Variants in PHACTR3 observed in about 807,000 individuals in gnomAD.
PHACTR3 encodes the protein phosphatase and actin regulator 3.
Under a neutral mutation model 66.8 loss-of-function variants are expected in PHACTR3, and 16 were observed. The ratio of observed to expected loss-of-function variants is 0.24; its 90% CI spans 0.16 to 0.36. The LOEUF is 0.36. Among genes scored for constraint, PHACTR3 ranks in the 10% least tolerant of loss-of-function variants. The pLI is 1.00. For synonymous variants in PHACTR3, 323 were observed against 292.1 expected, an observed-to-expected ratio of 1.11 and a Z score of -1.08; for missense variants, 647 against 719.9, an observed-to-expected ratio of 0.90 and a Z score of 1.16.
intron 1 of PHACTR3, among the ~76,000 whole-genome samples, chr20:59,630,490 T>C (rs112543233): frequency 9.8e-5 from 15 of 152,372 alleles, no homozygotes; most frequent in African/African-American, 3.4e-4. Context: ...GCCTGTTTAA[T>C]TTTTCATTAG....
At chr20:59,652,387 A>G (rs1465050179) in intron 1 of PHACTR3, among the ~76,000 whole-genome samples, 1 of 152,144 alleles carries the variant, frequency 6.6e-6, no homozygotes, top group South Asian at 2.1e-4. Flanking sequence ...CTGAAAAACA[A>G]AAGTAAAAAA....
intron 1 of PHACTR3, among the ~76,000 whole-genome samples, chr20:59,686,983 ATGATTGTGATGATGGTGG>A (rs1356367315): frequency 2.8e-4 from 35 of 126,686 alleles, no homozygotes; most frequent in African/African-American, 7.9e-4. Flanking sequence ...GATGATGGTG[ATGATTGTGATGATGGTGG>A]TGATTGTGAT....
chr20:59,765,803 G>T (rs370764075), intron 4 of PHACTR3, among the ~76,000 whole-genome samples: 2 of 152,290 alleles, frequency 1.3e-5, no homozygotes, highest in South Asian at 2.1e-4. Flanking sequence ...GCTGATAGAT[G>T]AATGAACCCC....
chr20:59,809,826 GCT>G (rs1018165545), intron 8 of PHACTR3, among the ~76,000 whole-genome samples: 4 of 152,144 alleles, frequency 2.6e-5, no homozygotes, highest in African/African-American at 9.7e-5. Flanking sequence ...AAGGGGCATG[GCT>G]GTGTGTCAAT....
chr20:59,823,830 C>T (rs2042113993), intron 8 of PHACTR3, among the ~76,000 whole-genome samples: 1 of 152,230 alleles, frequency 6.6e-6, no homozygotes, highest in Admixed American at 6.5e-5. Flanking sequence ...TTTCATTTTA[C>T]ACCCATATGA....
chr20:59,645,026 C>A (rs2146434398), intron 1 of PHACTR3, among the ~76,000 whole-genome samples: 1 of 152,100 alleles, frequency 6.6e-6, no homozygotes, highest in Middle Eastern at 3.4e-3. Flanking sequence ...TCGCTCCCTC[C>A]CTTTCTCTTT....
At chr20:59,637,282 C>G (rs2034931653) in intron 1 of PHACTR3, among the ~76,000 whole-genome samples, 1 of 152,246 alleles carries the variant, frequency 6.6e-6, no homozygotes, top group African/African-American at 2.4e-5. Flanking sequence ...ACCAGCTCTG[C>G]TAGAGCGATG....
intron 8 of PHACTR3, among the ~76,000 whole-genome samples, chr20:59,828,609 G>T (rs2042259680): frequency 6.6e-6 from 1 of 152,110 alleles, no homozygotes; most frequent in African/African-American, 2.4e-5. Flanking sequence ...GCGGACCCGT[G>T]TGAGGAGAAG....
At position 59,673,377 on chromosome 20, in the gene PHACTR3, G is replaced by A. The variant is rs573380649; in HGVS notation, c.118+68245G>A. On this transcript the variant is annotated intron_variant, in intron 1 of 12. Coordinates refer to ENST00000371015, the MANE Select transcript of PHACTR3 (RefSeq NM_080672.5). ...AGTGAGGAGCTCATGAAGCACAGGC[G>A]TTGGGCACCAGATGCAGGATCTCTT... is the stretch of plus-strand genomic sequence containing the variant. Among the ~76,000 whole-genome samples, 14 of 152,324 alleles carry A rather than the reference G, an allele frequency of 9.2e-5. No homozygotes were observed. In the South Asian group the frequency reaches 2.3e-3, roughly 25 times the overall value.
At chr20:59,628,823 T>G in intron 1 of PHACTR3, 2 of 985,100 alleles carry the variant, frequency 2.0e-6, no homozygotes, top group Non-Finnish European at 2.4e-6. Flanking sequence ...GGAGGTTAGA[T>G]CTTGTTTTTT....
chr20:59,811,224 G>C (rs777626350), intron 8 of PHACTR3, among the ~76,000 whole-genome samples: 1 of 152,210 alleles, frequency 6.6e-6, no homozygotes, highest in African/African-American at 2.4e-5. Context: ...TTCTAGACAC[G>C]AAAGCACTGT....
At chr20:59,577,660 G>T in intron 1 of PHACTR3, 1 of 1,169,036 alleles carries the variant, frequency 8.6e-7, no homozygotes, top group East Asian at 3.4e-5. Context: ...CGTGGGGCCC[G>T]GGGTGCCCGC....
Position 59,605,090 on chromosome 20 carries a change from G to A in PHACTR3, c.76G>A (p.Asp26Asn). The change falls in exon 1 of 13, where the codon GAC becomes AAC. Residue 26 changes from aspartate to asparagine, a missense_variant. Coordinates refer to ENST00000371015, the MANE Select transcript of PHACTR3 (RefSeq NM_080672.5). ...GCAGAGTGACCCCAGCGTCCTCACC[G>A]ACTCCTCGGCCACCTCCTCCGCGGA... ...RSQSDPSVLTDSSATSSADAG... is the reference protein window; with the variant it reads ...RSQSDPSVLTNSSATSSADAG... 1 of 1,409,262 alleles carries A rather than the reference G, an allele frequency of 7.1e-7. No homozygotes were observed. Among genetic ancestry groups the A allele is most frequent in the Non-Finnish European group, 9.3e-7 (1 of 1,074,972 alleles). The allele number at this position is 1,409,262 out of a possible 1,614,324, so 87.3% of individuals were successfully genotyped here.
At chr20:59,655,847 A>G (rs2035604469) in intron 1 of PHACTR3, among the ~76,000 whole-genome samples, 1 of 151,368 alleles carries the variant, frequency 6.6e-6, no homozygotes, top group African/African-American at 2.4e-5. Context: ...TTGTTTCTTC[A>G]TTTTCATTCA....
chr20:59,651,206 G>C (rs2035447905), intron 1 of PHACTR3, among the ~76,000 whole-genome samples: 1 of 152,160 alleles, frequency 6.6e-6, no homozygotes, highest in African/African-American at 2.4e-5. Flanking sequence ...GCCTGGGTGA[G>C]AGTGAGACTT....
At chr20:59,580,865 C>T (rs1209537504) in intron 1 of PHACTR3, among the ~76,000 whole-genome samples, 1 of 152,202 alleles carries the variant, frequency 6.6e-6, no homozygotes, top group Non-Finnish European at 1.5e-5. Context: ...ATGGACTAGA[C>T]ACACAGAAGC....
chr20:59,805,459 A>G (rs1421833741), intron 7 of PHACTR3, among the ~76,000 whole-genome samples: 1 of 152,188 alleles, frequency 6.6e-6, no homozygotes, highest in Non-Finnish European at 1.5e-5. Flanking sequence ...GGGGGAATTA[A>G]GATAAGTGGA....
chr20:59,743,336 C>T, intron 2 of PHACTR3, 68 bp downstream of exon 2: 1 of 1,571,442 alleles, frequency 6.4e-7, no homozygotes, highest in Non-Finnish European at 8.7e-7. Flanking sequence ...GGTGCTGCGG[C>T]CCCTGCTGAT....
chr20:59,720,106 G>A (rs2038239310), intron 1 of PHACTR3, among the ~76,000 whole-genome samples: 1 of 152,162 alleles, frequency 6.6e-6, no homozygotes, highest in Non-Finnish European at 1.5e-5. Context: ...GACCTAAAAC[G>A]AGGAAGGGGC....
Sources: allele counts gnomAD v4.1 joint callset (sites outside exome capture counted in the v4.1 genomes callset), GRCh38; gene constraint gnomAD v4.1.1; transcripts MANE v1.5; gene names NCBI Gene and HGNC (gene_info 2026-07-23, HGNC 2026-07-21).